The following CPED1 variants were observed in gnomAD, a reference collection of about 807,000 sequenced individuals.
CPED1 encodes cadherin-like and PC-esterase domain-containing protein 1.
In CPED1, 114 loss-of-function variants were observed where a neutral mutation model predicts 128.2. The ratio of observed to expected loss-of-function variants is 0.89; its 90% CI spans 0.76 to 1.04. The LOEUF (loss-of-function observed/expected upper bound fraction) is 1.04. CPED1 is among the 50% of genes least tolerant of loss of function. CPED1 has a pLI of 0.00. For missense variants in CPED1, 1,211 were observed against 1,207.1 expected, an observed-to-expected ratio of 1.00 and a Z score of -0.05; for synonymous variants, 462 against 426.7, an observed-to-expected ratio of 1.08 and a Z score of -1.02.
At chr7:121,217,503 A>G (rs983169049) in intron 16 of CPED1, among the ~76,000 whole-genome samples, 1 of 152,006 alleles carries the variant, frequency 6.6e-6, no homozygotes, top group African/African-American at 2.4e-5. Context: ...TTCTATAACC[A>G]TTTCCTAAAG....
intron 18 of CPED1, among the ~76,000 whole-genome samples, chr7:121,246,420 C>T (rs181514431): frequency 4.5e-4 from 68 of 152,308 alleles, no homozygotes; most frequent in African/African-American, 1.3e-3. Context: ...CTGGAGGCTA[C>T]GGAGTCCTAG....
chr7:120,995,854 T>G (rs1055799411), intron 2 of CPED1, among the ~76,000 whole-genome samples: 1 of 151,982 alleles, frequency 6.6e-6, no homozygotes, highest in African/African-American at 2.4e-5. Flanking sequence ...CATTCTTCAG[T>G]TTTTTTTATT....
At chr7:121,106,597 A>G (rs1439818530) in intron 7 of CPED1, among the ~76,000 whole-genome samples, 1 of 151,990 alleles carries the variant, frequency 6.6e-6, no homozygotes, top group Non-Finnish European at 1.5e-5. Context: ...AAGTTCCTCA[A>G]TAGTACTTTG....
intron 16 of CPED1, among the ~76,000 whole-genome samples, chr7:121,145,796 TC>T (rs1228740528): frequency 2.6e-5 from 4 of 151,962 alleles, no homozygotes; most frequent in Non-Finnish European, 5.9e-5. Flanking sequence ...TTTTTTTTTT[TC>T]CTTTCTGTCA....
intron 16 of CPED1, among the ~76,000 whole-genome samples, chr7:121,161,962 G>T (rs182686280): frequency 6.6e-6 from 1 of 152,188 alleles, no homozygotes; most frequent in African/African-American, 2.4e-5. Flanking sequence ...TATGATTGGA[G>T]TAACCTCACA....
Position 121,269,629 on chromosome 7 carries a change from C to T in CPED1, c.2722-1655C>T, listed in dbSNP as rs138288104. ...TTTCCACCAACAGTTTATAAGCATT[C>T]CTGTTTTGCATGGCCTCACAAACAT... On this transcript the variant is annotated intron_variant, in intron 21 of 22. Coordinates refer to ENST00000310396, the MANE Select transcript of CPED1 (RefSeq NM_024913.5). Among the ~76,000 whole-genome samples, 619 of 152,212 alleles carry T rather than the reference C, an allele frequency of 4.1e-3. 8 individuals are homozygous for T. Among genetic ancestry groups the T allele is most frequent in the Non-Finnish European group, 6.2e-3 (423 of 68,000 alleles).
chr7:121,112,825 A>AT (rs1795145933), intron 7 of CPED1, among the ~76,000 whole-genome samples: 1 of 152,076 alleles, frequency 6.6e-6, no homozygotes, highest in African/African-American at 2.4e-5. Context: ...ATTTGTGACC[A>AT]TTTTTTTGCA....
At chr7:121,182,925 T>C (rs1474289400) in intron 16 of CPED1, among the ~76,000 whole-genome samples, 1 of 152,072 alleles carries the variant, frequency 6.6e-6, no homozygotes, top group African/African-American at 2.4e-5. Context: ...CTCACTCCCC[T>C]TTATGCTAGC....
At chr7:121,190,279 G>A (rs941319169) in intron 16 of CPED1, among the ~76,000 whole-genome samples, 14 of 151,696 alleles carry the variant, frequency 9.2e-5, no homozygotes, top group African/African-American at 3.4e-4. Context: ...CAAAAGCCCT[G>A]GGGTGTGCAC....
intron 16 of CPED1, among the ~76,000 whole-genome samples, chr7:121,182,200 C>CT (rs3068074): frequency 0.56 from 77,961 of 140,090 alleles, 21,790 homozygotes; most frequent in African/African-American, 0.6. Flanking sequence ...TCGATGAGAG[C>CT]TTTTTTTTTT....
intron 5 of CPED1, among the ~76,000 whole-genome samples, chr7:121,088,551 C>T (rs770095730): frequency 1.1e-4 from 17 of 150,682 alleles, no homozygotes; most frequent in Non-Finnish European, 1.9e-4. Flanking sequence ...TCCAGCTACT[C>T]GGGAGGCTGA....
chr7:121,098,922 A>C (rs1794771875), intron 6 of CPED1, among the ~76,000 whole-genome samples: 1 of 150,286 alleles, frequency 6.7e-6, no homozygotes, highest in African/African-American at 2.4e-5. Flanking sequence ...AAAGCAAATA[A>C]TTATACATTT....
At chr7:121,149,022 T>C (rs1277974207) in intron 16 of CPED1, among the ~76,000 whole-genome samples, 1 of 152,180 alleles carries the variant, frequency 6.6e-6, no homozygotes, top group East Asian at 1.9e-4. Context: ...TGGCACCTAC[T>C]TCAATATCAA....
At chr7:121,267,188 C>T in intron 20 of CPED1, 27 bp from the exon 21 acceptor site, 1 of 1,223,728 alleles carries the variant, frequency 8.2e-7, no homozygotes, top group Non-Finnish European at 1.2e-6. Flanking sequence ...AAGTTACTGA[C>T]TTTAGAATTA....
chr7:121,211,057 T>C (rs1290039262), intron 16 of CPED1, among the ~76,000 whole-genome samples: 1 of 152,118 alleles, frequency 6.6e-6, no homozygotes, highest in East Asian at 1.9e-4. Context: ...AAACTGTATT[T>C]CATGGAACAT....
chr7:121,116,709 C>G (rs1795241791), intron 7 of CPED1, among the ~76,000 whole-genome samples: 1 of 152,000 alleles, frequency 6.6e-6, no homozygotes, highest in African/African-American at 2.4e-5. Flanking sequence ...GGCTTTGTAG[C>G]AAAGCAGATT....
intron 16 of CPED1, among the ~76,000 whole-genome samples, chr7:121,228,245 A>C (rs1798060898): frequency 6.6e-6 from 1 of 152,106 alleles, no homozygotes; most frequent in Non-Finnish European, 1.5e-5. Flanking sequence ...TATTCTCCTG[A>C]TGGGGGACTA....
chr7:121,050,107 C>T (rs1225957706), intron 4 of CPED1, among the ~76,000 whole-genome samples: 1 of 152,156 alleles, frequency 6.6e-6, no homozygotes, highest in East Asian at 1.9e-4. Flanking sequence ...GTGGAATCAC[C>T]CACTCTGTCA....
rs150626068 is a variant in CPED1 at position 121,275,891 on chromosome 7, C to G, written c.2868+4461C>G. 9.7e-4 allele frequency among the ~76,000 whole-genome samples: 146 copies of G among 150,496 alleles called. 1 individual carries two copies. The highest frequency in any genetic ancestry group is 3.4e-3 in the African/African-American group (140 of 40,956). On this transcript the variant is annotated intron_variant, in intron 22 of 22. Coordinates refer to ENST00000310396, the MANE Select transcript of CPED1 (RefSeq NM_024913.5). ...TAAACTTTACAAGTTTACTATCTAA[C>G]CACAATTTAAAAATTAAAAAGAAAG...
Sources: allele counts gnomAD v4.1 joint callset (sites outside exome capture counted in the v4.1 genomes callset), GRCh38; gene constraint gnomAD v4.1.1; transcripts MANE v1.5; gene names NCBI Gene and HGNC (gene_info 2026-07-23, HGNC 2026-07-21).